RAB3D: variants seen among roughly 807,000 people sequenced by gnomAD.
RAB3D encodes RAB3D, member RAS oncogene family, also known as ras-related protein Rab-3D.
In RAB3D, 17 loss-of-function variants were observed where a neutral mutation model predicts 19.3. That is an observed-to-expected ratio of 0.88 (90% CI 0.60 to 1.32). The LOEUF is 1.32. Ranked by LOEUF, RAB3D falls within the 40% of genes most tolerant of loss-of-function variation. RAB3D has a pLI of 0.00. For synonymous variants in RAB3D, 103 were observed against 119.9 expected (o/e 0.86, Z 0.92); for missense variants, 223 against 299.1 (o/e 0.75, Z 1.88).
At chr19:11,326,707 G>A (rs1456579791) in intron 4 of RAB3D, 2 of 672,596 alleles carry the variant, frequency 3.0e-6, no homozygotes, top group Non-Finnish European at 5.4e-6. Context: ...GGGCTCAAGC[G>A]ATCCTCCCGC....
chr19:11,331,015 CA>C (rs34766833), intron 4 of RAB3D, among the ~76,000 whole-genome samples: 13,269 of 120,530 alleles, frequency 0.11, 749 homozygotes, highest in African/African-American at 0.2. Context: ...GACCTTGCCT[CA>C]AAAAAAAAAA....
intron 4 of RAB3D, among the ~76,000 whole-genome samples, chr19:11,325,868 G>T (rs1291918592): frequency 6.6e-6 from 1 of 152,170 alleles, no homozygotes; most frequent in Non-Finnish European, 1.5e-5. Flanking sequence ...GAGGCCAGGA[G>T]TTCAAGACCA....
rs1421497730 is a variant in RAB3D, at chr19:11,322,969, G to A, written c.*2429C>T. The A allele has an allele frequency of 1.3e-5, 2 of 152,318 alleles. No individual in the cohort carries two copies. Among genetic ancestry groups the A allele is most frequent in the Non-Finnish European group, 2.9e-5 (2 of 68,030 alleles). 9.4% of individuals were successfully genotyped at this position (152,318 alleles called of 1,614,324 possible). On this transcript the variant is annotated 3_prime_UTR_variant, in exon 5 of 5. Transcript: ENST00000222120. ...GCTACTAAAAATGCAAAACTTAGAT[G>A]GGCGTGGTGGCAGGTGCCTGTAGTC...
At chr19:11,338,512 A>G (rs1471916744) in intron 1 of RAB3D, among the ~76,000 whole-genome samples, 2 of 152,290 alleles carry the variant, frequency 1.3e-5, no homozygotes, top group Non-Finnish European at 2.9e-5. Context: ...TGCCAAATAC[A>G]ACCCCTTCTC....
At position 11,335,692 on chromosome 19, in the gene RAB3D, T is replaced by A; in HGVS notation, c.320A>T (p.Gln107Leu). The A allele has an allele frequency of 6.2e-7, 1 of 1,614,184 alleles. No individual in the cohort carries two copies. Among genetic ancestry groups the A allele is most frequent in the Non-Finnish European group, 8.5e-7 (1 of 1,180,010 alleles). Residue 107 changes from glutamine (Q) to leucine (L), a missense_variant, in exon 3 of 5, where the codon CAG becomes CTG. Transcript: ENST00000222120. ...GFLLMYDIAN[Q>L]ESFAAVQDWA... ...GTCCTGCACAGCGGCAAAGGATTCC[T>A]GATTGGCGATGTCATACATGAGCAG...
chr19:11,327,111 T>G (rs2080817846), intron 4 of RAB3D: 2 of 388,538 alleles, frequency 5.1e-6, no homozygotes, highest in African/African-American at 2.1e-5. Flanking sequence ...ATGAGTTAGC[T>G]GTGTAATTAC....
At position 11,337,409 on chromosome 19, in the gene RAB3D, A is replaced by T; in HGVS notation, c.-10T>A. The stretch of plus-strand genomic sequence containing the variant: ...CTCCAGCTGATGCCATCTTGGCACA[A>T]GCCTCCTGGGACAGGGAGACCTGAA... On this transcript the variant is annotated 5_prime_UTR_variant, in exon 2 of 5. It adds an upstream start codon to the 5' untranslated region. Coordinates refer to ENST00000222120, the MANE Select transcript of RAB3D (RefSeq NM_004283.4). 6.2e-7 allele frequency: 1 copy of T among 1,611,646 alleles called. No individual in the cohort carries two copies. Among genetic ancestry groups the T allele is most frequent in the Non-Finnish European group, 8.5e-7 (1 of 1,177,774 alleles).
At chr19:11,330,832 G>A (rs2080833143) in intron 4 of RAB3D, among the ~76,000 whole-genome samples, 1 of 151,958 alleles carries the variant, frequency 6.6e-6, no homozygotes, top group South Asian at 2.1e-4. Flanking sequence ...TTACAGGCAT[G>A]AGCCACTGCG....
intron 4 of RAB3D, among the ~76,000 whole-genome samples, chr19:11,328,456 G>T (rs919049045): frequency 6.6e-6 from 1 of 151,732 alleles, no homozygotes; most frequent in Admixed American, 6.6e-5. Flanking sequence ...TCGAGACCAG[G>T]GCCAATACGG....
chr19:11,325,571 C>A lies in RAB3D; in HGVS notation c.487G>T (p.Glu163Ter), dbSNP rs2080807671. ...TTGATGTTCTCCTTGGCACTGGCTTCAAAGAACTCGAAACCTGGATGAATG... is the reference window on the plus strand; with the variant it reads ...TTGATGTTCTCCTTGGCACTGGCTTAAAAGAACTCGAAACCTGGATGAATG... ...LADDLGFEFF[E>*]ASAKENINVK... Residue 163 changes from glutamate (E) to a stop codon, truncating the protein, a stop_gained, in exon 5 of 5, where the codon GAA (glutamate) becomes TAA (stop). Coordinates refer to ENST00000222120, the MANE Select transcript of RAB3D (RefSeq NM_004283.4). LOFTEE classifies it high-confidence loss of function. 1 of 1,610,756 alleles carries A rather than the reference C, an allele frequency of 6.2e-7. No individual in the cohort carries two copies. The highest frequency in any genetic ancestry group is 1.1e-5 in the South Asian group (1 of 91,058).
chr19:11,339,076 G>T (rs1182141836), intron 1 of RAB3D, among the ~76,000 whole-genome samples: 1 of 152,244 alleles, frequency 6.6e-6, no homozygotes, highest in African/African-American at 2.4e-5. Flanking sequence ...TTAAGGAGGG[G>T]AAGAGAAGAG....
In RAB3D at chr19:11,325,365, G is replaced by T; in HGVS notation, c.*33C>A. 1 of 1,415,382 alleles carries T rather than the reference G, an allele frequency of 7.1e-7. No homozygotes were observed. Among genetic ancestry groups the T allele is most frequent in the Non-Finnish European group, 9.6e-7 (1 of 1,042,778 alleles). 87.7% of individuals were successfully genotyped at this position (1,415,382 alleles called of 1,614,324 possible). A position where few individuals can be genotyped will look rare whatever the true frequency, so the allele number is the denominator to read the frequency against. The stretch of plus-strand genomic sequence containing the variant: ...CTCGATCACAGTCCCTGCCGAGGCA[G>T]GAGAGGGGTGGGTGGGGGGTTGGGG... On this transcript the variant is annotated 3_prime_UTR_variant, in exon 5 of 5. Transcript: ENST00000222120.
intron 1 of RAB3D, among the ~76,000 whole-genome samples, chr19:11,338,232 C>T (rs2147971637): frequency 6.6e-6 from 1 of 152,316 alleles, no homozygotes; most frequent in Non-Finnish European, 1.5e-5. Context: ...GTGGGGAGAC[C>T]TTTCCTATCT....
intron 1 of RAB3D, among the ~76,000 whole-genome samples, chr19:11,338,448 G>C (rs945887622): frequency 6.6e-6 from 1 of 152,164 alleles, no homozygotes; most frequent in Admixed American, 6.5e-5. Context: ...TTAAGGCTTG[G>C]GTGTTGACTT....
At chr19:11,337,559 C>T (rs547062441) in intron 1 of RAB3D, 99 bp from the exon 2 acceptor site, 4 of 626,126 alleles carry the variant, frequency 6.4e-6, no homozygotes, top group East Asian at 2.7e-5. Flanking sequence ...ATGCTGGATG[C>T]ATCGCTTGCC....
At chr19:11,331,156 G>A (rs777509604) in intron 4 of RAB3D, among the ~76,000 whole-genome samples, 2 of 151,898 alleles carry the variant, frequency 1.3e-5, no homozygotes, top group East Asian at 2.0e-4. Context: ...GCCAGGCCCC[G>A]TGGTGGTGGG....
chr19:11,332,406 G>A (rs1196515308), intron 4 of RAB3D, among the ~76,000 whole-genome samples: 1 of 151,750 alleles, frequency 6.6e-6, no homozygotes, highest in African/African-American at 2.4e-5. Flanking sequence ...ATACAGTGGT[G>A]CAATCTTGGC....
intron 2 of RAB3D, 133 bp from the exon 3 acceptor site, chr19:11,335,916 G>T: frequency 1.3e-6 from 1 of 798,984 alleles, no homozygotes; most frequent in Non-Finnish European, 2.1e-6. Flanking sequence ...ACAACCTCTG[G>T]TCTGATGGAG....
At chr19:11,337,671 C>CTTTTT (rs562747979) in intron 1 of RAB3D, among the ~76,000 whole-genome samples, 1 of 138,808 alleles carries the variant, frequency 7.2e-6, no homozygotes, top group Non-Finnish European at 1.6e-5. Context: ...TTCTTTCTTT[C>CTTTTT]TTTTTTTTTT....
Sources: allele counts gnomAD v4.1 joint callset (sites outside exome capture counted in the v4.1 genomes callset), GRCh38; gene constraint gnomAD v4.1.1; transcripts MANE v1.5; gene names NCBI Gene and HGNC (gene_info 2026-07-23, HGNC 2026-07-21).